Variants in NCAM2 observed in about 807,000 individuals in gnomAD.
The protein encoded by NCAM2 is N-CAM-2.
NCAM2 carries 30 observed loss-of-function variants against 98.1 expected under a neutral mutation model. That is an observed-to-expected ratio of 0.31 (90% CI 0.23 to 0.41). The LOEUF (loss-of-function observed/expected upper bound fraction) is 0.41, where lower values mean the gene tolerates loss of function less well. NCAM2 is among the 10% of genes least tolerant of loss of function. The pLI is 1.00. For missense variants in NCAM2, 867 were observed against 1,005.8 expected, an observed-to-expected ratio of 0.86 and a Z score of 1.87; for synonymous variants, 368 against 342.4, an observed-to-expected ratio of 1.07 and a Z score of -0.83.
chr21:21,292,845 T>A (rs2073346118), intron 5 of NCAM2, among the ~76,000 whole-genome samples: 1 of 151,836 alleles, frequency 6.6e-6, no homozygotes, highest in African/African-American at 2.4e-5. Flanking sequence ...CGAGACTGAG[T>A]AATTTATAAA....
At position 21,292,111 on chromosome 21, in the gene NCAM2, C is replaced by G; in HGVS notation, c.489C>G (p.Phe163Leu). 1 of 1,608,778 alleles carries G rather than the reference C, an allele frequency of 6.2e-7. No individual in the cohort carries two copies. The highest frequency in any genetic ancestry group is 8.5e-7 in the Non-Finnish European group (1 of 1,177,278). Residue 163 changes from phenylalanine to leucine, a missense_variant, in exon 5 of 18, where the codon TTC becomes TTG. Transcript: ENST00000400546. ...CCTTTGCTTTCTTTCCAGATCGGTT[C>G]GCTATGTTAGCAAACAATAACCTGC... ...EEVTTISDNR[F>L]AMLANNNLQI...
chr21:21,106,908 A>G (rs2066360621), intron 1 of NCAM2, among the ~76,000 whole-genome samples: 1 of 152,106 alleles, frequency 6.6e-6, no homozygotes, highest in Non-Finnish European at 1.5e-5. Context: ...TATAAAAACT[A>G]TTTCTCAAAA....
At chr21:21,114,163 C>T (rs1006038383) in intron 1 of NCAM2, among the ~76,000 whole-genome samples, 4 of 152,084 alleles carry the variant, frequency 2.6e-5, no homozygotes, top group Non-Finnish European at 5.9e-5. Flanking sequence ...TTTGAGTATG[C>T]TTTTTAACCT....
At chr21:21,034,206 C>G (rs1000289357) in intron 1 of NCAM2, among the ~76,000 whole-genome samples, 4 of 152,054 alleles carry the variant, frequency 2.6e-5, no homozygotes, top group Admixed American at 6.5e-5. Context: ...TGGCTCCCAT[C>G]AAGGTTAAGT....
At chr21:21,471,363 A>G (rs2146234247) in intron 14 of NCAM2, among the ~76,000 whole-genome samples, 1 of 152,158 alleles carries the variant, frequency 6.6e-6, no homozygotes, top group East Asian at 1.9e-4. Flanking sequence ...AAATGAAATA[A>G]CTACTTCAAA....
intron 8 of NCAM2, among the ~76,000 whole-genome samples, chr21:21,354,942 C>A (rs1410127383): frequency 6.6e-6 from 1 of 152,134 alleles, no homozygotes; most frequent in East Asian, 1.9e-4. Flanking sequence ...TAATAAAATG[C>A]TGGCCTTGGT....
At chr21:21,037,239 C>T (rs910815268) in intron 1 of NCAM2, among the ~76,000 whole-genome samples, 22 of 152,100 alleles carry the variant, frequency 1.4e-4, no homozygotes, top group African/African-American at 5.3e-4. Context: ...GTTGCTGAGG[C>T]TTGTTTTCTT....
intron 1 of NCAM2, among the ~76,000 whole-genome samples, chr21:21,098,884 G>A (rs898304241): frequency 6.6e-6 from 1 of 151,774 alleles, no homozygotes; most frequent in African/African-American, 2.4e-5. Flanking sequence ...GCAAGCAATT[G>A]CCAAAGCCTG....
At chr21:21,132,744 T>C (rs2066962125) in intron 1 of NCAM2, among the ~76,000 whole-genome samples, 1 of 152,244 alleles carries the variant, frequency 6.6e-6, no homozygotes, top group South Asian at 2.1e-4. Flanking sequence ...AACACATTTT[T>C]ATTATGGAAT....
At chr21:21,442,476 G>A (rs1294184984) in intron 12 of NCAM2, among the ~76,000 whole-genome samples, 3 of 152,186 alleles carry the variant, frequency 2.0e-5, no homozygotes, top group Non-Finnish European at 2.9e-5. Context: ...GGTGCATCTT[G>A]TTTGGTGAGT....
intron 1 of NCAM2, among the ~76,000 whole-genome samples, chr21:21,174,905 A>G (rs2068233775): frequency 1.3e-5 from 2 of 152,154 alleles, no homozygotes; most frequent in Non-Finnish European, 1.5e-5. Context: ...TCCAAAGCTA[A>G]GAAAAGAGCT....
At chr21:21,481,041 C>T (rs139098317) in intron 15 of NCAM2, among the ~76,000 whole-genome samples, 19 of 152,154 alleles carry the variant, frequency 1.2e-4, no homozygotes, top group African/African-American at 4.6e-4. Flanking sequence ...GAAACATACA[C>T]CATGATGCTG....
intron 9 of NCAM2, among the ~76,000 whole-genome samples, chr21:21,409,900 G>A (rs2076821618): frequency 6.6e-6 from 1 of 152,146 alleles, no homozygotes; most frequent in African/African-American, 2.4e-5. Flanking sequence ...CTCGAGGTCA[G>A]GAGATCGAGA....
At chr21:21,163,861 T>C (rs1469831265) in intron 1 of NCAM2, among the ~76,000 whole-genome samples, 1 of 152,202 alleles carries the variant, frequency 6.6e-6, no homozygotes, top group Non-Finnish European at 1.5e-5. Context: ...AATACAATGC[T>C]ATTTTTTTAC....
At chr21:21,171,303 T>C (rs748070173) in intron 1 of NCAM2, among the ~76,000 whole-genome samples, 1 of 152,102 alleles carries the variant, frequency 6.6e-6, no homozygotes, top group Non-Finnish European at 1.5e-5. Flanking sequence ...AGAAAAAAAA[T>C]TAGTTAGAAC....
At chr21:21,275,791 T>A (rs566005366) in intron 1 of NCAM2, among the ~76,000 whole-genome samples, 19 of 152,278 alleles carry the variant, frequency 1.2e-4, no homozygotes, top group African/African-American at 4.6e-4. Flanking sequence ...TACCCTCTTG[T>A]TTTTATCTCC....
chr21:21,042,684 C>A (rs2064930399), intron 1 of NCAM2, among the ~76,000 whole-genome samples: 3 of 152,116 alleles, frequency 2.0e-5, no homozygotes, highest in Admixed American at 2.0e-4. Context: ...CCCTTCATTT[C>A]CCAGAGCATC....
chr21:21,487,831 G>A (rs961357310), intron 15 of NCAM2, among the ~76,000 whole-genome samples: 1 of 152,138 alleles, frequency 6.6e-6, no homozygotes, highest in Non-Finnish European at 1.5e-5. Context: ...GGCCTAGGAG[G>A]TAGCAGTAAA....
chr21:21,157,132 G>T (rs530383563), intron 1 of NCAM2, among the ~76,000 whole-genome samples: 5 of 151,760 alleles, frequency 3.3e-5, no homozygotes, highest in Non-Finnish European at 5.9e-5. Context: ...TACACTATTT[G>T]TCTGTGGACT....
Sources: allele counts gnomAD v4.1 joint callset (sites outside exome capture counted in the v4.1 genomes callset), GRCh38; gene constraint gnomAD v4.1.1; transcripts MANE v1.5; gene names NCBI Gene and HGNC (gene_info 2026-07-23, HGNC 2026-07-21).